Variants in CSMD1 observed in about 807,000 individuals in gnomAD.
The protein encoded by CSMD1 is CUB and Sushi multiple domains 1, also known as CUB and sushi domain-containing protein 1.
CSMD1 carries 213 observed loss-of-function variants against 417.5 expected under a neutral mutation model. The ratio of observed to expected loss-of-function variants is 0.51; its 90% CI spans 0.46 to 0.57. The LOEUF (loss-of-function observed/expected upper bound fraction) is 0.57. CSMD1 is among the 20% of genes least tolerant of loss of function. The pLI, the probability that CSMD1 is intolerant of heterozygous loss-of-function variation, is 0.00. For synonymous variants in CSMD1, 2,862 were observed against 1,736.8 expected (o/e 1.65, Z -16.11); for missense variants, 6,923 against 4,529.7 (o/e 1.53, Z -15.17).
chr8:3,140,355 C>CTA (rs1294423220), intron 41 of CSMD1, among the ~76,000 whole-genome samples: 1 of 151,854 alleles, frequency 6.6e-6, no homozygotes, highest in Non-Finnish European at 1.5e-5. Flanking sequence ...CTCTGTCTCT[C>CTA]TCTCTCTGTT....
At chr8:3,769,192 A>G in intron 5 of CSMD1, among the ~76,000 whole-genome samples, 1 of 152,210 alleles carries the variant, frequency 6.6e-6, no homozygotes, top group East Asian at 1.9e-4. Flanking sequence ...CAAGCTTTTA[A>G]TGTTCACAGA....
intron 1 of CSMD1, among the ~76,000 whole-genome samples, chr8:4,869,554 C>T (rs1191550362): frequency 6.6e-6 from 1 of 151,880 alleles, no homozygotes; most frequent in Admixed American, 6.6e-5. Context: ...TACTGCATGG[C>T]TGTTATGAAA....
chr8:3,846,742 C>T (rs966376223), intron 5 of CSMD1, among the ~76,000 whole-genome samples: 16 of 152,106 alleles, frequency 1.1e-4, no homozygotes, highest in South Asian at 2.1e-4. Flanking sequence ...ACTGCAACCT[C>T]GACTCACTGC....
At chr8:4,970,070 A>G (rs189751081) in intron 1 of CSMD1, among the ~76,000 whole-genome samples, 1 of 152,286 alleles carries the variant, frequency 6.6e-6, no homozygotes, top group East Asian at 1.9e-4. Flanking sequence ...AGAAATGACA[A>G]AAGTATTCAG....
chr8:3,075,333 G>C (rs1426791693), intron 49 of CSMD1, among the ~76,000 whole-genome samples: 1 of 148,388 alleles, frequency 6.7e-6, no homozygotes, highest in Non-Finnish European at 1.5e-5. Context: ...CTGCAGTGGA[G>C]TGCAACGGTG....
chr8:3,788,764 G>A (rs753870186), intron 5 of CSMD1, among the ~76,000 whole-genome samples: 1 of 152,128 alleles, frequency 6.6e-6, no homozygotes, highest in East Asian at 1.9e-4. Flanking sequence ...TTCCATTTCT[G>A]AATGTGTGCA....
At chr8:3,364,690 A>T (rs920998924) in intron 20 of CSMD1, among the ~76,000 whole-genome samples, 1 of 152,134 alleles carries the variant, frequency 6.6e-6, no homozygotes, top group Non-Finnish European at 1.5e-5. Flanking sequence ...GATATGGGCG[A>T]TTCTCCCCTT....
chr8:4,202,208 T>A (rs1799696121), intron 3 of CSMD1, among the ~76,000 whole-genome samples: 1 of 152,126 alleles, frequency 6.6e-6, no homozygotes, highest in African/African-American at 2.4e-5. Context: ...CGCAACAAAA[T>A]GAGATGTGAC....
intron 6 of CSMD1, among the ~76,000 whole-genome samples, chr8:3,729,543 C>G (rs765617074): frequency 4.6e-5 from 7 of 152,148 alleles, no homozygotes; most frequent in Non-Finnish European, 1.0e-4. Flanking sequence ...CGAAGTGGGC[C>G]TTGACAATGT....
intron 3 of CSMD1, among the ~76,000 whole-genome samples, chr8:4,138,381 T>G (rs1237742504): frequency 6.6e-6 from 1 of 152,118 alleles, no homozygotes; most frequent in African/African-American, 2.4e-5. Context: ...ATACCTGCTC[T>G]GGCACTTTGC....
chr8:4,396,689 C>T (rs2164890), intron 3 of CSMD1, among the ~76,000 whole-genome samples: 72,064 of 151,516 alleles, frequency 0.48, 17,952 homozygotes, highest in African/African-American at 0.61. Context: ...AATGGAATAC[C>T]GATCAGCCAT....
chr8:4,534,494 C>G (rs961526973), intron 2 of CSMD1, among the ~76,000 whole-genome samples: 1 of 152,080 alleles, frequency 6.6e-6, no homozygotes, highest in African/African-American at 2.4e-5. Context: ...TCAGATACAG[C>G]GGGGTACAGG....
intron 2 of CSMD1, among the ~76,000 whole-genome samples, chr8:4,498,964 G>C (rs1301866273): frequency 6.6e-6 from 1 of 152,044 alleles, no homozygotes; most frequent in Non-Finnish European, 1.5e-5. Flanking sequence ...AAACTGTAAA[G>C]CTAAATTCCT....
At chr8:3,668,799 G>A (rs1055320832) in intron 7 of CSMD1, among the ~76,000 whole-genome samples, 1 of 152,220 alleles carries the variant, frequency 6.6e-6, no homozygotes, top group South Asian at 2.1e-4. Flanking sequence ...TCATTTTGTT[G>A]CCTTAGACAA....
intron 5 of CSMD1, among the ~76,000 whole-genome samples, chr8:3,958,116 T>C (rs551024545): frequency 8.5e-5 from 13 of 152,298 alleles, no homozygotes; most frequent in Admixed American, 2.0e-4. Flanking sequence ...AAAGTCAACA[T>C]GTTAATGAAG....
At chr8:4,576,781 T>C (rs982245170) in intron 2 of CSMD1, among the ~76,000 whole-genome samples, 27 of 152,184 alleles carry the variant, frequency 1.8e-4, no homozygotes, top group Non-Finnish European at 2.9e-4. Flanking sequence ...TCAAGTGATA[T>C]TAAGATATTT....
intron 8 of CSMD1, among the ~76,000 whole-genome samples, chr8:3,594,170 G>A (rs1008648609): frequency 1.3e-5 from 2 of 152,130 alleles, no homozygotes; most frequent in South Asian, 2.1e-4. Flanking sequence ...CGACCTACAG[G>A]GGTTTGGCAC....
chr8:4,903,533 G>T (rs1171669844), intron 1 of CSMD1, among the ~76,000 whole-genome samples: 1 of 152,106 alleles, frequency 6.6e-6, no homozygotes, highest in East Asian at 1.9e-4. Context: ...TACTGAAACA[G>T]GAGATATATT....
At chr8:3,925,235 C>A (rs1415500299) in intron 5 of CSMD1, among the ~76,000 whole-genome samples, 1 of 152,188 alleles carries the variant, frequency 6.6e-6, no homozygotes, top group South Asian at 2.1e-4. Context: ...TGCTTTACAG[C>A]GACCTATAAG....
Sources: allele counts gnomAD v4.1 joint callset (sites outside exome capture counted in the v4.1 genomes callset), GRCh38; gene constraint gnomAD v4.1.1; transcripts MANE v1.5; gene names NCBI Gene and HGNC (gene_info 2026-07-23, HGNC 2026-07-21).